Variants in CA14 observed in about 807,000 individuals in gnomAD.
The protein encoded by CA14 is carbonic anhydrase 14, also known as CA-XIV.
A neutral mutation model predicts 48.8 loss-of-function variants in CA14; 44 were observed. The observed-to-expected ratio is 0.90, with a 90% CI of 0.71 to 1.16. The LOEUF is 1.16. Ranked by LOEUF, CA14 falls within the 50% of genes most tolerant of loss-of-function variation. CA14 has a pLI of 0.00. For missense variants in CA14, 386 were observed against 401.0 expected (o/e 0.96, Z 0.32); for synonymous variants, 154 against 155.0 (o/e 0.99, Z 0.05).
At position 150,264,587 on chromosome 1, in the gene CA14, T is replaced by C. The variant is rs782417618; in HGVS notation, c.948-6T>C. Reference sequence around the variant, plus strand: ...AGTCATTCTCATGAGCCATTCCCCTTTCCAGGAAGAAGAGGCTGGAAAACC... The same window carrying C: ...AGTCATTCTCATGAGCCATTCCCCTCTCCAGGAAGAAGAGGCTGGAAAACC... On this transcript the variant is annotated splice_polypyrimidine_tract_variant and splice_region_variant and intron_variant, in intron 10 of 10. Transcript: ENST00000369111. 3 of 1,579,488 alleles carry C rather than the reference T, an allele frequency of 1.9e-6. No individual in the cohort carries two copies. The highest frequency in any genetic ancestry group is 2.6e-6 in the Non-Finnish European group (3 of 1,148,794).
chr1:150,258,027 GCTCTCTCT>G lies in CA14; in HGVS notation c.-90_-83del. ...ATACACTCACGCCAGGAGCTCGCTC[GCTCTCTCT>G]CTCTCTCTCTCACTCCTCCCTCCCT... On this transcript the variant is annotated 5_prime_UTR_variant, in exon 1 of 11. Coordinates refer to ENST00000369111, the MANE Select transcript of CA14 (RefSeq NM_012113.3). The G allele has an allele frequency of 3.0e-6, 2 of 672,186 alleles. No individual in the cohort carries two copies. Among genetic ancestry groups the G allele is most frequent in the Non-Finnish European group, 4.7e-6 (2 of 428,842 alleles). 41.6% of individuals were successfully genotyped at this position (672,186 alleles called of 1,614,324 possible). A position where few individuals can be genotyped will look rare whatever the true frequency, so the allele number is the denominator to read the frequency against.
intron 3 of CA14, 51 bp from the exon 4 acceptor site, chr1:150,262,107 G>A: frequency 1.2e-6 from 2 of 1,610,964 alleles, no homozygotes; most frequent in Non-Finnish European, 8.5e-7. Flanking sequence ...CCCAGGAGTG[G>A]GAATGTATCC....
In CA14 at chr1:150,262,172, C is replaced by A; in HGVS notation, c.271C>A (p.Pro91Thr). Residue 91 changes from proline (P) to threonine (T), a missense_variant, in exon 4 of 11, where the codon CCC becomes ACC. Transcript: ENST00000369111. The part of the protein sequence containing the change: ...NNGHTVQLSL[P>T]STLYLGGLPR... ...TTTCCTCACAGTGCAACTCTCTCTGCCCTCTACCCTGTATCTGGGTGGACT... is the reference window on the plus strand; with the variant it reads ...TTTCCTCACAGTGCAACTCTCTCTGACCTCTACCCTGTATCTGGGTGGACT... The A allele has an allele frequency of 6.2e-7, 1 of 1,614,182 alleles. No homozygotes were observed. The highest frequency in any genetic ancestry group is 8.5e-7 in the Non-Finnish European group (1 of 1,180,016).
At chr1:150,261,791 T>A (rs587620512) in intron 3 of CA14, among the ~76,000 whole-genome samples, 153 bp downstream of exon 3, 17 of 152,258 alleles carry the variant, frequency 1.1e-4, no homozygotes, top group Middle Eastern at 3.4e-3. Context: ...ACATTACCCA[T>A]CTGACATAAA....
At position 150,257,805 on chromosome 1, in the gene CA14, A is replaced by G; in HGVS notation, c.-324A>G. On this transcript the variant is annotated 5_prime_UTR_variant, in exon 1 of 11. Transcript: ENST00000369111. ...CCCGTCCCCACATACACCAGTTCAG[A>G]GCCACCTTAAAAGCAGGAGGCAGTT... The G allele has an allele frequency of 5.5e-6, 1 of 181,920 alleles. No individual in the cohort carries two copies. The allele number at this position is 181,920 out of a possible 1,614,324, so 11.3% of individuals were successfully genotyped here.
At position 150,263,784 on chromosome 1, in the gene CA14, T is replaced by C; in HGVS notation, c.863-10T>C. On this transcript the variant is annotated splice_polypyrimidine_tract_variant and intron_variant, in intron 9 of 10. Transcript: ENST00000369111. Reference sequence around the variant, plus strand: ...CCTAGGCTGACACCTTTTACCTTTATCTCCCCCAGGTGAAATGCTGAGTCT... The same window carrying C: ...CCTAGGCTGACACCTTTTACCTTTACCTCCCCCAGGTGAAATGCTGAGTCT... 6.2e-7 allele frequency: 1 copy of C among 1,613,752 alleles called. No homozygotes were observed. Among genetic ancestry groups the C allele is most frequent in the Non-Finnish European group, 8.5e-7 (1 of 1,179,602 alleles).
In CA14 at chr1:150,262,820, A is replaced by C; in HGVS notation, c.512A>C (p.Asn171Thr). 1.9e-6 allele frequency: 3 copies of C among 1,612,940 alleles called. No individual in the cohort carries two copies. Among genetic ancestry groups the C allele is most frequent in the South Asian group, 1.1e-5 (1 of 91,056 alleles). Residue 171 changes from asparagine (N) to threonine (T), a missense_variant, in exon 6 of 11, where the codon AAT (asparagine) becomes ACT (threonine). Coordinates refer to ENST00000369111, the MANE Select transcript of CA14 (RefSeq NM_012113.3). ...CTCTTCCAGGTGGGTGAGACTAAGA[A>C]TATAGCTTATGAACACATTCTGAGT... is the stretch of plus-strand genomic sequence containing the variant. ...GILIEVGETKNIAYEHILSHL... is the reference protein window; with the variant it reads ...GILIEVGETKTIAYEHILSHL...
At chr1:150,259,887 C>G (rs1200070727) in intron 1 of CA14, among the ~76,000 whole-genome samples, 1 of 152,072 alleles carries the variant, frequency 6.6e-6, no homozygotes, top group African/African-American at 2.4e-5. Context: ...ATTTTAGTCT[C>G]TGGGCTTTAC....
In CA14 at chr1:150,264,601, G is replaced by A. The variant is rs969207612; in HGVS notation, c.956G>A (p.Arg319Lys). ...GCCATTCCCCTTTCCAGGAAGAAGA[G>A]GCTGGAAAACCGAAAGAGTGTGGTC... Reference protein sequence around the residue: ...YFIARKIRKKRLENRKSVVFT... With the variant: ...YFIARKIRKKKLENRKSVVFT... The change falls in exon 11 of 11, where the codon AGG (arginine) becomes AAG (lysine). Residue 319 changes from arginine (R) to lysine (K), a missense_variant. Arg to Lys is a conservative substitution (Grantham distance 26). Transcript: ENST00000369111. 2 of 1,606,128 alleles carry A rather than the reference G, an allele frequency of 1.2e-6. No homozygotes were observed. Among genetic ancestry groups the A allele is most frequent in the Non-Finnish European group, 1.7e-6 (2 of 1,173,036 alleles).
Position 150,263,853 on chromosome 1 carries a change from GTTTA to G in CA14, c.926_929del (p.Tyr309SerfsTer39). The stretch of plus-strand genomic sequence containing the variant: ...TGGCTGTCTCTGCCTTCTCCTGGCT[GTTTA>G]TTTCATTGCTAGAAAGATTCGGTGA... On this transcript the variant is annotated frameshift_variant, in exon 10 of 11. Coordinates refer to ENST00000369111, the MANE Select transcript of CA14 (RefSeq NM_012113.3). LOFTEE classifies it high-confidence loss of function. 6.2e-7 allele frequency: 1 copy of G among 1,609,792 alleles called. No homozygotes were observed. The highest frequency in any genetic ancestry group is 1.3e-5 in the African/African-American group (1 of 74,232).
chr1:150,263,523 G>A, intron 8 of CA14, 104 bp downstream of exon 8: 1 of 1,605,532 alleles, frequency 6.2e-7, no homozygotes, highest in Non-Finnish European at 8.5e-7. Flanking sequence ...GGGGTTTCTG[G>A]GACTTGCTTG....
At chr1:150,260,800 C>G (rs907810028) in intron 2 of CA14, 5 of 129,826 alleles carry the variant, frequency 3.9e-5, no homozygotes, top group African/African-American at 1.2e-4. Context: ...TGCTCTGTCA[C>G]CCAGGCTGGA....
chr1:150,258,321 G>A lies in CA14; in HGVS notation c.55+138G>A, dbSNP rs149867593. Reference sequence around the variant, plus strand: ...GGCTCAGAGATGAGGAAAAAAGAGTGGGGTGTGGAGGAGACCACTTCCCTT... The same window carrying A: ...GGCTCAGAGATGAGGAAAAAAGAGTAGGGTGTGGAGGAGACCACTTCCCTT... On this transcript the variant is annotated intron_variant, in intron 1 of 10. Transcript: ENST00000369111. 81 of 575,312 alleles carry A rather than the reference G, an allele frequency of 1.4e-4. No individual in the cohort carries two copies. The African/African-American group carries it at 1.5e-3, about 10-fold the overall frequency. The allele number at this position is 575,312 out of a possible 1,614,324, so 35.6% of individuals were successfully genotyped here.
At chr1:150,264,468 G>A in intron 10 of CA14, 125 bp from the exon 11 acceptor site, 1 of 609,872 alleles carries the variant, frequency 1.6e-6, no homozygotes, top group Non-Finnish European at 2.9e-6. Flanking sequence ...CTCCCAAAGT[G>A]CTGGGATTAT....
chr1:150,262,455 G>A, intron 4 of CA14, 70 bp from the exon 5 acceptor site: 1 of 1,488,736 alleles, frequency 6.7e-7, no homozygotes, highest in Non-Finnish European at 9.4e-7. Flanking sequence ...GGGGGATGGT[G>A]GCAGCTAGGA....
At chr1:150,260,233 A>AAGAC in intron 2 of CA14, 62 bp downstream of exon 2, 1 of 1,533,568 alleles carries the variant, frequency 6.5e-7, no homozygotes, top group Non-Finnish European at 9.0e-7. Flanking sequence ...ACCTGGCAGG[A>AAGAC]AGACACACTG....
At chr1:150,260,000 A>G in intron 1 of CA14, 151 bp from the exon 2 acceptor site, 2 of 737,400 alleles carry the variant, frequency 2.7e-6, no homozygotes, top group Non-Finnish European at 4.5e-6. Flanking sequence ...GTCCGGTTTC[A>G]GGGCTTCCTT....
At chr1:150,262,705 T>C in intron 5 of CA14, 85 bp downstream of exon 5, 1 of 1,382,074 alleles carries the variant, frequency 7.2e-7, no homozygotes, top group Non-Finnish European at 1.0e-6. Context: ...CTCCTTCCTA[T>C]GGCAGGCAGC....
chr1:150,264,617 G>A lies in CA14; in HGVS notation c.972G>A (p.Lys324=). The A allele has an allele frequency of 6.2e-7, 1 of 1,612,632 alleles. No homozygotes were observed. Among genetic ancestry groups the A allele is most frequent in the South Asian group, 1.1e-5 (1 of 91,038 alleles). ...KIRKKRLENR[K]SVVFTSAQAT... is the part of the protein sequence containing the mutation. Reference sequence around the variant, plus strand: ...GGAAGAAGAGGCTGGAAAACCGAAAGAGTGTGGTCTTCACCTCAGCACAAG... The same window carrying A: ...GGAAGAAGAGGCTGGAAAACCGAAAAAGTGTGGTCTTCACCTCAGCACAAG... The change falls in exon 11 of 11, where the codon AAG becomes AAA. Residue 324 remains lysine, a synonymous_variant. Transcript: ENST00000369111.
Sources: allele counts gnomAD v4.1 joint callset (sites outside exome capture counted in the v4.1 genomes callset), GRCh38; gene constraint gnomAD v4.1.1; transcripts MANE v1.5; gene names NCBI Gene and HGNC (gene_info 2026-07-23, HGNC 2026-07-21).